RABGAP1L: variants seen among roughly 807,000 people sequenced by gnomAD.
RABGAP1L encodes RAB GTPase activating protein 1 like, also known as rab GTPase-activating protein 1-like.
In RABGAP1L, 63 loss-of-function variants were observed where a neutral mutation model predicts 137.7. The ratio of observed to expected loss-of-function variants is 0.46; its 90% CI spans 0.37 to 0.56. The LOEUF is 0.56. Among genes scored for constraint, RABGAP1L ranks in the 20% least tolerant of loss-of-function variants. The pLI is 0.00. For missense variants in RABGAP1L, 1,095 were observed against 1,244.0 expected (o/e 0.88, Z 1.80); for synonymous variants, 431 against 433.7 (o/e 0.99, Z 0.08).
intron 17 of RABGAP1L, among the ~76,000 whole-genome samples, chr1:174,739,231 C>G (rs1683191203): frequency 6.6e-6 from 1 of 152,128 alleles, no homozygotes; most frequent in Non-Finnish European, 1.5e-5. Flanking sequence ...TTAAATATGA[C>G]TAGATATACT....
chr1:174,636,679 T>G (rs1050286908), intron 13 of RABGAP1L, among the ~76,000 whole-genome samples: 7 of 152,196 alleles, frequency 4.6e-5, no homozygotes, highest in Admixed American at 3.3e-4. Context: ...ATTGTCAGAT[T>G]TAAAAATTAG....
chr1:174,664,499 A>G lies in RABGAP1L; in HGVS notation c.1825-19023A>G, dbSNP rs139973147. 2.4e-4 allele frequency among the ~76,000 whole-genome samples: 37 copies of G among 152,242 alleles called. 3 individuals carry two copies. In the East Asian group the frequency reaches 2.7e-3, roughly 11 times the overall value. Reference sequence around the variant, plus strand: ...GAGTAATTTTCAAAATATTTTAACTAATTTTTTAAATTGTGTAATATACAT... The same window carrying G: ...GAGTAATTTTCAAAATATTTTAACTGATTTTTTAAATTGTGTAATATACAT... On this transcript the variant is annotated intron_variant, in intron 14 of 25. Coordinates refer to ENST00000681986, the MANE Select transcript of RABGAP1L (RefSeq NM_001366446.1).
intron 13 of RABGAP1L, among the ~76,000 whole-genome samples, chr1:174,526,296 TTGTTGTTGTTGTTATTA>T: frequency 6.6e-6 from 1 of 152,050 alleles, no homozygotes; most frequent in Admixed American, 6.6e-5. Flanking sequence ...TAGTTTTTTG[TTGTTGTTGTTGTTATTA>T]TGTCCTTGTC....
At chr1:174,512,780 T>C (rs1662474696) in intron 13 of RABGAP1L, among the ~76,000 whole-genome samples, 1 of 152,202 alleles carries the variant, frequency 6.6e-6, no homozygotes, top group Non-Finnish European at 1.5e-5. Flanking sequence ...GCATGTTAAA[T>C]GTGTACTTTT....
At chr1:174,534,371 A>C (rs1664705127) in intron 13 of RABGAP1L, among the ~76,000 whole-genome samples, 1 of 152,124 alleles carries the variant, frequency 6.6e-6, no homozygotes, top group Admixed American at 6.5e-5. Context: ...GATGTCTAAA[A>C]CTAGATTAGT....
At chr1:174,614,222 T>G (rs997948308) in intron 13 of RABGAP1L, among the ~76,000 whole-genome samples, 38 of 152,268 alleles carry the variant, frequency 2.5e-4, no homozygotes, top group African/African-American at 8.9e-4. Context: ...TGTTTAGCGC[T>G]TCCTTCAGGA....
intron 11 of RABGAP1L, among the ~76,000 whole-genome samples, chr1:174,364,039 A>G (rs1684370961): frequency 6.6e-6 from 1 of 151,664 alleles, no homozygotes; most frequent in Admixed American, 6.6e-5. Context: ...TATCAGGGTA[A>G]TACTGACCTT....
At chr1:174,570,217 A>G (rs916576581) in intron 13 of RABGAP1L, among the ~76,000 whole-genome samples, 1 of 152,178 alleles carries the variant, frequency 6.6e-6, no homozygotes, top group Non-Finnish European at 1.5e-5. Context: ...TCTCAACTTG[A>G]AGTACTTTCT....
At chr1:174,369,587 CAG>C (rs1265464211) in intron 11 of RABGAP1L, among the ~76,000 whole-genome samples, 4 of 152,166 alleles carry the variant, frequency 2.6e-5, no homozygotes, top group African/African-American at 4.8e-5. Flanking sequence ...GATAGTTCCT[CAG>C]GGTATTGTAA....
chr1:174,502,730 A>C (rs923520451), intron 13 of RABGAP1L, among the ~76,000 whole-genome samples: 17 of 151,108 alleles, frequency 1.1e-4, no homozygotes, highest in African/African-American at 3.2e-4. Flanking sequence ...ACACACACAC[A>C]TATATATATT....
At chr1:174,858,591 A>G (rs1255210148) in intron 19 of RABGAP1L, among the ~76,000 whole-genome samples, 6 of 152,188 alleles carry the variant, frequency 3.9e-5, no homozygotes, top group Non-Finnish European at 1.5e-5. Flanking sequence ...ACTGAGTTCT[A>G]TGATTTGGAG....
At chr1:174,898,775 G>A (rs1657653935) in intron 19 of RABGAP1L, among the ~76,000 whole-genome samples, 1 of 152,122 alleles carries the variant, frequency 6.6e-6, no homozygotes, top group Non-Finnish European at 1.5e-5. Context: ...GCAATTATGA[G>A]CTAACTTAAG....
At chr1:174,848,992 C>G (rs1259780811) in intron 19 of RABGAP1L, among the ~76,000 whole-genome samples, 1 of 152,070 alleles carries the variant, frequency 6.6e-6, no homozygotes, top group Non-Finnish European at 1.5e-5. Context: ...CCCGATTTTC[C>G]AGGTGCGTCC....
chr1:174,405,902 C>T (rs989858449), intron 13 of RABGAP1L, among the ~76,000 whole-genome samples: 3 of 151,554 alleles, frequency 2.0e-5, no homozygotes, highest in Non-Finnish European at 2.9e-5. Context: ...CACTTGAGCC[C>T]GGGAGGCAGA....
intron 9 of RABGAP1L, among the ~76,000 whole-genome samples, chr1:174,276,753 C>T (rs1035286577): frequency 6.6e-6 from 1 of 151,834 alleles, no homozygotes; most frequent in Non-Finnish European, 1.5e-5. Flanking sequence ...TATTATTTAT[C>T]ATGTCTAGTA....
chr1:174,850,237 T>C, intron 19 of RABGAP1L: 1 of 272,738 alleles, frequency 3.7e-6, no homozygotes, highest in Non-Finnish European at 7.2e-6. Context: ...ACCTCCGGGG[T>C]ACCCTAGAAT....
rs141955040 is a variant in RABGAP1L at position 174,980,128 on chromosome 1, T to G, written c.2733+1238T>G. Reference sequence around the variant, plus strand: ...TATGCATTGTTGCTATACAAATGCTTTATAAATAAATTTAAAATATATATA... The same window carrying G: ...TATGCATTGTTGCTATACAAATGCTGTATAAATAAATTTAAAATATATATA... On this transcript the variant is annotated intron_variant, in intron 23 of 25. Transcript: ENST00000681986. Among the ~76,000 whole-genome samples the G allele has an allele frequency of 3.3e-4, 51 of 152,296 alleles. 1 individual carries two copies. The Middle Eastern group carries it at 0.027, about 81-fold the overall frequency.
chr1:174,569,925 T>G (rs919853356), intron 13 of RABGAP1L, among the ~76,000 whole-genome samples: 8 of 152,184 alleles, frequency 5.3e-5, no homozygotes, highest in African/African-American at 1.7e-4. Flanking sequence ...GGTAGTTTGT[T>G]TAATTATCAA....
chr1:174,455,908 C>T (rs1296791366), intron 13 of RABGAP1L, among the ~76,000 whole-genome samples: 1 of 152,082 alleles, frequency 6.6e-6, no homozygotes, highest in Non-Finnish European at 1.5e-5. Flanking sequence ...CTAACAAGAT[C>T]ATGTCGTTTG....
Sources: gnomAD v4.1 joint callset for allele counts (sites outside exome capture counted in the v4.1 genomes callset) on GRCh38, gnomAD v4.1.1 for gene constraint, MANE v1.5 for transcripts, NCBI Gene and HGNC (gene_info 2026-07-23, HGNC 2026-07-21) for gene names.